The following SLC5A10 variants were observed in gnomAD, a reference collection of about 807,000 sequenced individuals.
SLC5A10 encodes the protein sodium/mannose cotransporter SLC5A10.
In SLC5A10, 55 loss-of-function variants were observed where a neutral mutation model predicts 68.9. The observed-to-expected ratio is 0.80, with a 90% CI of 0.64 to 1.00. The LOEUF is 1.00. Among genes scored for constraint, SLC5A10 ranks in the 50% least tolerant of loss-of-function variants. The pLI, the probability that SLC5A10 is intolerant of heterozygous loss-of-function variation, is 0.00. For missense variants in SLC5A10, 732 were observed against 819.3 expected (o/e 0.89, Z 1.30); for synonymous variants, 344 against 344.8 (o/e 1.00, Z 0.02).
chr17:18,965,087 T>G (rs28474381), intron 5 of SLC5A10, among the ~76,000 whole-genome samples: 6 of 93,668 alleles, frequency 6.4e-5, no homozygotes, highest in African/African-American at 2.1e-4. Flanking sequence ...GAGGTTTTTT[T>G]AAAAAAAAAA....
chr17:18,974,333 C>T lies in SLC5A10; in HGVS notation c.847-2521C>T, dbSNP rs539283547. Among the ~76,000 whole-genome samples, 45 of 152,354 alleles carry T rather than the reference C, an allele frequency of 3.0e-4. No individual in the cohort carries two copies. The East Asian group carries it at 8.7e-3, about 29-fold the overall frequency. ...GACCGTTCACTATCTTCTGGCTCAT[C>T]CATGACAAGTAGGTGGCATTTTTCT... On this transcript the variant is annotated intron_variant, in intron 8 of 14. Coordinates refer to ENST00000395645, the MANE Select transcript of SLC5A10 (RefSeq NM_001042450.4).
rs1408351056 is a variant in SLC5A10, at chr17:19,020,448, A to G, written c.*17A>G. 9.9e-6 allele frequency: 16 copies of G among 1,611,882 alleles called. No individual in the cohort carries two copies. The highest frequency in any genetic ancestry group is 1.3e-5 in the Non-Finnish European group (15 of 1,178,542). ...TTCGCCTGACACTGCCATCCTGGAC[A>G]GAAAGGCAGGAGCTCTGAGTCCTCA... On this transcript the variant is annotated 3_prime_UTR_variant, in exon 15 of 15. Transcript: ENST00000395645.
Position 18,971,332 on chromosome 17 carries a change from G to T in SLC5A10, c.846+114G>T. ...ATGAGTCTGGGCTGGGGCCTCAGAA[G>T]GTGTGGCTCCAGGCTGGGACATGCT... On this transcript the variant is annotated intron_variant, in intron 8 of 14. Transcript: ENST00000395645. The surrounding 1 kb of genome is among the most constrained non-coding windows in gnomAD (Gnocchi z 5.5). 6.2e-7 allele frequency: 1 copy of T among 1,606,598 alleles called. No homozygotes were observed.
At position 19,017,260 on chromosome 17, in the gene SLC5A10, C is replaced by A; in HGVS notation, c.1241+2061C>A. 1 of 1,548,818 alleles carries A rather than the reference C, an allele frequency of 6.5e-7. No homozygotes were observed. Among genetic ancestry groups the A allele is most frequent in the Non-Finnish European group, 8.7e-7 (1 of 1,144,210 alleles). On this transcript the variant is annotated intron_variant, in intron 11 of 14. Coordinates refer to ENST00000395645, the MANE Select transcript of SLC5A10 (RefSeq NM_001042450.4). This position sits in a 1 kb window ranked among gnomAD's most constrained non-coding sequence, Gnocchi z 5.6. ...CCGTGCCAGGTGTCAGGCTGGCCAG[C>A]TCAACTTCCCGTCCCTCTTACAGCA...
chr17:18,970,421 G>A (rs2042812390), intron 7 of SLC5A10: 1 of 156,892 alleles, frequency 6.4e-6, no homozygotes, highest in Non-Finnish European at 1.4e-5. Flanking sequence ...GGAACAGTGA[G>A]GTGTTTTGGA....
intron 5 of SLC5A10, among the ~76,000 whole-genome samples, chr17:18,966,426 G>A (rs1346529939): frequency 2.6e-5 from 4 of 152,178 alleles, no homozygotes; most frequent in Admixed American, 2.6e-4. Flanking sequence ...AAGTTCCTCT[G>A]CAATTTGGGC....
At position 18,968,842 on chromosome 17, in the gene SLC5A10, T is replaced by A. The variant is rs76465422; in HGVS notation, c.454-210T>A. On this transcript the variant is annotated intron_variant, in intron 5 of 14. Coordinates refer to ENST00000395645, the MANE Select transcript of SLC5A10 (RefSeq NM_001042450.4). This position sits in a 1 kb window ranked among gnomAD's most constrained non-coding sequence, Gnocchi z 4.1. ...CTTTATTAGCAACAGTAATGTCCCC[T>A]GACATCCGCACAAGCTTGTAGCTCC... is the stretch of plus-strand genomic sequence containing the variant. 988 of 576,238 alleles carry A rather than the reference T, an allele frequency of 1.7e-3. 10 individuals are homozygous for A. In the East Asian group the frequency reaches 0.024, roughly 14 times the overall value. The allele number at this position is 576,238 out of a possible 1,614,324, so 35.7% of individuals were successfully genotyped here.
intron 9 of SLC5A10, among the ~76,000 whole-genome samples, chr17:19,005,482 A>T (rs184296406): frequency 6.6e-6 from 1 of 152,284 alleles, no homozygotes; most frequent in African/African-American, 2.4e-5. Context: ...CTGGCCCAAC[A>T]AACAGCCCCC....
Position 18,952,324 on chromosome 17 carries a change from G to T in SLC5A10, c.111+8G>T. 2 of 1,608,614 alleles carry T rather than the reference G, an allele frequency of 1.2e-6. No individual in the cohort carries two copies. The highest frequency in any genetic ancestry group is 2.2e-5 in the South Asian group (2 of 90,184). ...GTGGCCGTGGGCATATGGGTAAGGG[G>T]ACCTGTGGTGGTGTTGGCCAAGTGG... On this transcript the variant is annotated splice_region_variant and intron_variant, in intron 1 of 14. Coordinates refer to ENST00000395645, the MANE Select transcript of SLC5A10 (RefSeq NM_001042450.4).
Position 19,017,547 on chromosome 17 carries a change from G to A in SLC5A10, c.1242-1876G>A. 4.3e-6 allele frequency: 3 copies of A among 698,624 alleles called. No individual in the cohort carries two copies. Among genetic ancestry groups the A allele is most frequent in the Non-Finnish European group, 7.1e-6 (3 of 419,852 alleles). 43.3% of individuals were successfully genotyped at this position (698,624 alleles called of 1,614,324 possible). A position where few individuals can be genotyped will look rare whatever the true frequency, so the allele number is the denominator to read the frequency against. On this transcript the variant is annotated intron_variant, in intron 11 of 14. Coordinates refer to ENST00000395645, the MANE Select transcript of SLC5A10 (RefSeq NM_001042450.4). This position sits in a 1 kb window ranked among gnomAD's most constrained non-coding sequence, Gnocchi z 5.6. ...TGATGGCTCTGTCCAGCTGAGCAGA[G>A]GCTGGAGGAGCCGTCACAGGCTGGG...
rs937852561 is a variant in SLC5A10, at chr17:19,014,961, G to A, written c.1091-88G>A. On this transcript the variant is annotated intron_variant, in intron 10 of 14. Transcript: ENST00000395645. The stretch of plus-strand genomic sequence containing the variant: ...TTGGAGGAGCATGCAAATGGCGGGC[G>A]GGCCTCAGGCATTAGAGCCCAGGCG... The A allele has an allele frequency of 1.6e-5, 23 of 1,476,270 alleles. No individual in the cohort carries two copies. In the South Asian group the frequency reaches 1.8e-4, roughly 11 times the overall value. The allele number at this position is 1,476,270 out of a possible 1,614,324, so 91.4% of individuals were successfully genotyped here. A position where few individuals can be genotyped will look rare whatever the true frequency, so the allele number is the denominator to read the frequency against.
Position 19,020,775 on chromosome 17 carries a change from T to C in SLC5A10, c.*344T>C. ...GCCAGCACTCAGGGTTCTAAGGGTC[T>C]TGGGCCAGCTCTGGATGGAGGAAGA... On this transcript the variant is annotated 3_prime_UTR_variant, in exon 15 of 15. Coordinates refer to ENST00000395645, the MANE Select transcript of SLC5A10 (RefSeq NM_001042450.4). 3.2e-6 allele frequency: 1 copy of C among 310,024 alleles called. No homozygotes were observed. The allele number at this position is 310,024 out of a possible 1,614,324, so 19.2% of individuals were successfully genotyped here.
chr17:19,015,161 TC>T lies in SLC5A10; in HGVS notation c.1207del (p.Arg403AlafsTer15), dbSNP rs967990850. The T allele has an allele frequency of 8.3e-6, 11 of 1,322,492 alleles. No individual in the cohort carries two copies. Among genetic ancestry groups the T allele is most frequent in the Middle Eastern group, 4.4e-4 (2 of 4,512 alleles). The allele number at this position is 1,322,492 out of a possible 1,614,324, so 81.9% of individuals were successfully genotyped here. A position where few individuals can be genotyped will look rare whatever the true frequency, so the allele number is the denominator to read the frequency against. On this transcript the variant is annotated frameshift_variant, in exon 11 of 15. Transcript: ENST00000395645. LOFTEE classifies it high-confidence loss of function. ...CTATGGACATCTGGAGGCGGCTGCG[TC>T]CCCGCTCCGGCGAGCGGGAGCTCCT... is the stretch of plus-strand genomic sequence containing the variant. The part of the protein sequence containing the change: ...FTMDIWRRLR[P>X]RSGERELLLV...
chr17:19,007,382 A>G (rs2043916153), intron 9 of SLC5A10, among the ~76,000 whole-genome samples: 2 of 151,342 alleles, frequency 1.3e-5, no homozygotes, highest in South Asian at 4.2e-4. Context: ...CTATTTTTTA[A>G]CTCTTGAGTT....
At chr17:19,015,343 T>A in intron 11 of SLC5A10, 144 bp downstream of exon 11, 1 of 607,870 alleles carries the variant, frequency 1.6e-6, no homozygotes, top group South Asian at 2.1e-5. Context: ...GTGTACCCCA[T>A]CCATACCACC....
chr17:18,968,431 C>T lies in SLC5A10; in HGVS notation c.454-621C>T, dbSNP rs1174498211. On this transcript the variant is annotated intron_variant, in intron 5 of 14. Transcript: ENST00000395645. The surrounding 1 kb of genome is among the most constrained non-coding windows in gnomAD (Gnocchi z 4.1). ...GCCCATGCCAGGCAGAGGTTGGCCTCCAGGCTAGCGCTCCTGCCTTTAGGA... is the reference window on the plus strand; with the variant it reads ...GCCCATGCCAGGCAGAGGTTGGCCTTCAGGCTAGCGCTCCTGCCTTTAGGA... 2.0e-5 allele frequency among the ~76,000 whole-genome samples: 3 copies of T among 152,314 alleles called. No homozygotes were observed. In the East Asian group the frequency reaches 5.8e-4, roughly 29 times the overall value.
At chr17:19,019,218 C>T in intron 11 of SLC5A10, 2 of 607,102 alleles carry the variant, frequency 3.3e-6, no homozygotes, top group South Asian at 2.1e-5. Context: ...GGAGCTGCAC[C>T]TGCAGGATCC....
intron 9 of SLC5A10, chr17:18,977,661 C>A (rs1009729866): frequency 6.2e-7 from 1 of 1,610,146 alleles, no homozygotes; most frequent in African/African-American, 1.3e-5. Flanking sequence ...CGACTCTGGG[C>A]CCATGGGGAG....
intron 9 of SLC5A10, chr17:18,978,941 G>A: frequency 2.8e-6 from 4 of 1,427,962 alleles, no homozygotes; most frequent in Non-Finnish European, 3.8e-6. Flanking sequence ...GCCTCAGACT[G>A]TGGCCACAGG....
Sources: gnomAD v4.1 joint callset for allele counts (sites outside exome capture counted in the v4.1 genomes callset) on GRCh38, gnomAD v4.1.1 for gene constraint, Gnocchi (gnomAD v3.1) non-coding constraint, MANE v1.5 for transcripts, NCBI Gene and HGNC (gene_info 2026-07-23, HGNC 2026-07-21) for gene names.